The following LIPA variants were observed in gnomAD, a reference collection of about 807,000 sequenced individuals.
The protein encoded by LIPA is lysosomal acid lipase/cholesteryl ester hydrolase.
A neutral mutation model predicts 40.6 loss-of-function variants in LIPA; 26 were observed. That is an observed-to-expected ratio of 0.64 (90% CI 0.47 to 0.89). The LOEUF is 0.89. LIPA is among the 40% of genes least tolerant of loss of function. LIPA has a pLI of 0.00. For missense variants in LIPA, 455 were observed against 479.6 expected (o/e 0.95, Z 0.48); for synonymous variants, 188 against 168.4 (o/e 1.12, Z -0.90).
At chr10:89,264,164 G>A (rs560021031) in intron 1 of LIPA, among the ~76,000 whole-genome samples, 1 of 152,296 alleles carries the variant, frequency 6.6e-6, no homozygotes, top group African/African-American at 2.4e-5. Flanking sequence ...AAGCAGGGGG[G>A]GTGGTAGGGG....
chr10:89,358,269 C>CA (rs1564799011), intron 2 of LIPA, among the ~76,000 whole-genome samples: 2 of 151,790 alleles, frequency 1.3e-5, no homozygotes, highest in East Asian at 1.9e-4. Flanking sequence ...TGGCTACTAT[C>CA]AAAAAAACAA....
chr10:89,219,184 A>G (rs1842665460), intron 8 of LIPA, among the ~76,000 whole-genome samples: 1 of 152,082 alleles, frequency 6.6e-6, no homozygotes, highest in Non-Finnish European at 1.5e-5. Flanking sequence ...AAAAAAAAAG[A>G]GCACATCGTA....
chr10:89,334,570 A>G (rs2133551725), intron 1 of LIPA, among the ~76,000 whole-genome samples: 1 of 88,720 alleles, frequency 1.1e-5, no homozygotes, highest in Middle Eastern at 7.9e-3. Flanking sequence ...ATCTTGGCTC[A>G]CTGCAACCTC....
rs745938788 is a variant in LIPA at position 89,403,208 on chromosome 10, A to T, written c.61+9583T>A. On this transcript the variant is annotated intron_variant, in intron 2 of 8. Transcript: ENST00000371837. Reference sequence around the variant, plus strand: ...AGGAGGCTACAAAAGGGCAGCCTAGAGGGCAGAACAGAGAAAAGCTAGACA... The same window carrying T: ...AGGAGGCTACAAAAGGGCAGCCTAGTGGGCAGAACAGAGAAAAGCTAGACA... 11 of 1,614,238 alleles carry T rather than the reference A, an allele frequency of 6.8e-6. No homozygotes were observed. The East Asian group carries it at 2.2e-4, about 33-fold the overall frequency.
intron 2 of LIPA, among the ~76,000 whole-genome samples, chr10:89,368,686 G>A: frequency 6.6e-6 from 1 of 152,104 alleles, no homozygotes; most frequent in Non-Finnish European, 1.5e-5. Flanking sequence ...AATTAAGATG[G>A]TGAGAGAAAA....
intron 2 of LIPA, among the ~76,000 whole-genome samples, chr10:89,354,243 C>T (rs1843977482): frequency 6.6e-6 from 1 of 152,274 alleles, no homozygotes; most frequent in South Asian, 2.1e-4. Flanking sequence ...TCTTATCCGC[C>T]TATCACCTGG....
chr10:89,321,899 A>G (rs1328152877), intron 1 of LIPA, among the ~76,000 whole-genome samples: 1 of 152,172 alleles, frequency 6.6e-6, no homozygotes, highest in Non-Finnish European at 1.5e-5. Context: ...ATAAAAAAGG[A>G]TGAGTTCATG....
intron 2 of LIPA, chr10:89,402,581 C>T (rs984249106): frequency 6.2e-7 from 1 of 1,614,180 alleles, no homozygotes; most frequent in East Asian, 2.2e-5. Flanking sequence ...GCAACTTTGC[C>T]TGGATGTATT....
upstream of LIPA, among the ~76,000 whole-genome samples, chr10:89,252,508 C>G (rs1843141587): frequency 6.6e-6 from 1 of 152,108 alleles, no homozygotes; most frequent in Non-Finnish European, 1.5e-5. Flanking sequence ...CAAACAACAA[C>G]AACAACAAAC....
chr10:89,351,749 TTTTTA>T (rs1843960126), intron 2 of LIPA, among the ~76,000 whole-genome samples: 1 of 152,204 alleles, frequency 6.6e-6, no homozygotes, highest in South Asian at 2.1e-4. Context: ...TCCCAGGCCC[TTTTTA>T]TTTTGTCAGG....
chr10:89,253,233 T>C (rs1463499410), upstream of LIPA, among the ~76,000 whole-genome samples: 1 of 152,202 alleles, frequency 6.6e-6, no homozygotes, highest in African/African-American at 2.4e-5. Flanking sequence ...TAGTCTGTTC[T>C]CATGCTGCTA....
At chr10:89,325,187 G>T (rs767175236) in intron 1 of LIPA, among the ~76,000 whole-genome samples, 67 of 152,250 alleles carry the variant, frequency 4.4e-4, no homozygotes, top group Admixed American at 9.2e-4. Flanking sequence ...CAGTCAGAAT[G>T]ACTATTATTA....
At chr10:89,250,107 C>CTT (rs398038546) in intron 1 of LIPA, among the ~76,000 whole-genome samples, 8 of 96,074 alleles carry the variant, frequency 8.3e-5, no homozygotes, top group African/African-American at 1.8e-4. Context: ...TCTTTTCTTT[C>CTT]TTTTTTTTTT....
intron 1 of LIPA, chr10:89,342,404 T>C (rs573484784): frequency 6.6e-6 from 1 of 152,316 alleles, no homozygotes; most frequent in South Asian, 2.1e-4. Flanking sequence ...TCTAAGACTT[T>C]TGCTGAGAGC....
intron 1 of LIPA, among the ~76,000 whole-genome samples, chr10:89,325,646 T>C (rs1171875291): frequency 1.3e-5 from 2 of 152,132 alleles, no homozygotes; most frequent in Non-Finnish European, 2.9e-5. Context: ...TTCTCACTTA[T>C]AAGTGGGAAC....
chr10:89,232,687 G>T (rs184760170), intron 3 of LIPA, among the ~76,000 whole-genome samples: 1 of 152,306 alleles, frequency 6.6e-6, no homozygotes, highest in East Asian at 1.9e-4. Context: ...GGGAGATGTT[G>T]GCCAGCACAT....
chr10:89,369,685 T>C (rs2133596746), intron 2 of LIPA, among the ~76,000 whole-genome samples: 1 of 152,334 alleles, frequency 6.6e-6, no homozygotes, highest in East Asian at 1.9e-4. Context: ...TATATAGAGG[T>C]ATTTGCGCCC....
At chr10:89,273,191 C>CT (rs11381651) in intron 1 of LIPA, among the ~76,000 whole-genome samples, 18,972 of 151,038 alleles carry the variant, frequency 0.13, 1,184 homozygotes, top group South Asian at 0.19. Flanking sequence ...CTATTTTTCT[C>CT]TTTGTTTTTT....
At chr10:89,261,695 G>A (rs1421158875) in intron 1 of LIPA, among the ~76,000 whole-genome samples, 1 of 152,274 alleles carries the variant, frequency 6.6e-6, no homozygotes, top group Middle Eastern at 3.4e-3. Flanking sequence ...CAGTGCAGAG[G>A]AGAATAGAAC....
Sources: allele counts gnomAD v4.1 joint callset (sites outside exome capture counted in the v4.1 genomes callset), GRCh38; gene constraint gnomAD v4.1.1; transcripts MANE v1.5; gene names NCBI Gene and HGNC (gene_info 2026-07-23, HGNC 2026-07-21).